Variants in RPS6KC1 observed in about 807,000 individuals in gnomAD.
RPS6KC1 encodes the protein ribosomal protein S6 kinase C1.
Under a neutral mutation model 103.8 loss-of-function variants are expected in RPS6KC1, and 54 were observed. That is an observed-to-expected ratio of 0.52 (90% CI 0.42 to 0.65). The LOEUF (loss-of-function observed/expected upper bound fraction) is 0.65, where lower values mean the gene tolerates loss of function less well. Among genes scored for constraint, RPS6KC1 ranks in the 30% least tolerant of loss-of-function variants. The pLI, the probability that RPS6KC1 is intolerant of heterozygous loss-of-function variation, is 0.00. For missense variants in RPS6KC1, 1,151 were observed against 1,253.8 expected (o/e 0.92, Z 1.24); for synonymous variants, 439 against 438.7 (o/e 1.00, Z -0.01).
At chr1:213,669,360 G>A in the RPS6KC1 span, among the ~76,000 whole-genome samples, 1 of 152,158 alleles carries the variant, frequency 6.6e-6, no homozygotes, top group Non-Finnish European at 1.5e-5. Flanking sequence ...GAGAGAGAAA[G>A]GGGGGTGGCC....
chr1:213,554,889 A>T, the RPS6KC1 span, among the ~76,000 whole-genome samples: 29 of 152,134 alleles, frequency 1.9e-4, no homozygotes, highest in Non-Finnish European at 3.4e-4. Context: ...CATTTTAATA[A>T]ATTTTTTCCC....
chr1:213,797,830 A>G, the RPS6KC1 span, among the ~76,000 whole-genome samples: 6 of 152,280 alleles, frequency 3.9e-5, no homozygotes, highest in Admixed American at 3.9e-4. Flanking sequence ...GAGTCATTTG[A>G]CCCAAGTGCT....
chr1:213,810,593 T>C, the RPS6KC1 span, among the ~76,000 whole-genome samples: 1 of 152,286 alleles, frequency 6.6e-6, no homozygotes, highest in Admixed American at 6.5e-5. Context: ...CCCAAATAAC[T>C]AGGGGACTAA....
the RPS6KC1 span, among the ~76,000 whole-genome samples, chr1:213,420,736 G>A: frequency 6.6e-6 from 1 of 152,132 alleles, no homozygotes; most frequent in African/African-American, 2.4e-5. Context: ...TAGCTTGTTT[G>A]GGATGCCGAG....
the RPS6KC1 span, among the ~76,000 whole-genome samples, chr1:213,314,312 G>A: frequency 1.3e-5 from 2 of 152,220 alleles, no homozygotes; most frequent in Non-Finnish European, 2.9e-5. Flanking sequence ...CACATTCACA[G>A]GTACCAGAGG....
chr1:213,474,820 T>A, the RPS6KC1 span, among the ~76,000 whole-genome samples: 9 of 150,706 alleles, frequency 6.0e-5, no homozygotes, highest in African/African-American at 2.2e-4. Flanking sequence ...AAATTCAAAT[T>A]AAAAAAAAAG....
the RPS6KC1 span, among the ~76,000 whole-genome samples, chr1:213,462,454 C>T: frequency 6.6e-6 from 1 of 152,108 alleles, no homozygotes; most frequent in Admixed American, 6.5e-5. Context: ...CACATGCACA[C>T]GTATGTTTAT....
the RPS6KC1 span, among the ~76,000 whole-genome samples, chr1:213,688,135 C>T: frequency 6.6e-6 from 1 of 152,094 alleles, no homozygotes; most frequent in Non-Finnish European, 1.5e-5. Context: ...AAATGTTTTG[C>T]CATTCCCCAC....
chr1:213,722,318 G>A, the RPS6KC1 span, among the ~76,000 whole-genome samples: 1 of 152,066 alleles, frequency 6.6e-6, no homozygotes, highest in Non-Finnish European at 1.5e-5. Flanking sequence ...ACTTTCCTCT[G>A]GACATTGATT....
the RPS6KC1 span, among the ~76,000 whole-genome samples, chr1:213,792,300 G>A: frequency 6.6e-6 from 1 of 152,180 alleles, no homozygotes; most frequent in East Asian, 1.9e-4. Flanking sequence ...AAAGTCATGT[G>A]AACATAGCAC....
intron 8 of RPS6KC1, among the ~76,000 whole-genome samples, chr1:213,181,698 A>G (rs1362931832): frequency 1.3e-5 from 2 of 152,232 alleles, no homozygotes; most frequent in African/African-American, 2.4e-5. Context: ...TTTAAGTGCT[A>G]AAAGGAAAGA....
chr1:213,617,575 A>G, the RPS6KC1 span, among the ~76,000 whole-genome samples: 1 of 152,246 alleles, frequency 6.6e-6, no homozygotes, highest in Non-Finnish European at 1.5e-5. Context: ...TTATGAAAGC[A>G]TAAATGCTTT....
Position 213,167,915 on chromosome 1 carries a change from T to C in RPS6KC1, c.893T>C (p.Met298Thr). 1 of 1,613,926 alleles carries C rather than the reference T, an allele frequency of 6.2e-7. No individual in the cohort carries two copies. Among genetic ancestry groups the C allele is most frequent in the Non-Finnish European group, 8.5e-7 (1 of 1,179,912 alleles). ...AAGAGAAGAACAGCCGAGTACCTCATGCGGGCAGAAAGTATCTCTAGTCTT... is the reference window on the plus strand; with the variant it reads ...AAGAGAAGAACAGCCGAGTACCTCACGCGGGCAGAAAGTATCTCTAGTCTT... ...AVKRRTAEYL[M>T]RAESISSLYG... Residue 298 changes from methionine (M) to threonine (T), a missense_variant, in exon 7 of 15, where the codon ATG (methionine) becomes ACG (threonine). This residue lies in a region of RPS6KC1 where 959 missense variants were observed against 1,006.3 expected (regional missense o/e 0.95). Transcript: ENST00000366960.
chr1:213,613,286 C>A, the RPS6KC1 span, among the ~76,000 whole-genome samples: 3 of 152,206 alleles, frequency 2.0e-5, no homozygotes, highest in Admixed American at 6.5e-5. Context: ...TCTCCACCAC[C>A]AGATCACTCC....
At chr1:213,618,629 G>A in the RPS6KC1 span, among the ~76,000 whole-genome samples, 9 of 152,112 alleles carry the variant, frequency 5.9e-5, no homozygotes, top group South Asian at 4.2e-4. Flanking sequence ...TGGCCTTTCC[G>A]CAACCTTCTG....
chr1:213,256,677 T>C (rs538436322), intron 12 of RPS6KC1, among the ~76,000 whole-genome samples: 1 of 152,330 alleles, frequency 6.6e-6, no homozygotes, highest in Non-Finnish European at 1.5e-5. Context: ...CTGTCTGTGT[T>C]GCCTCCCATT....
chr1:213,677,360 C>T, the RPS6KC1 span, among the ~76,000 whole-genome samples: 21 of 152,188 alleles, frequency 1.4e-4, no homozygotes, highest in Non-Finnish European at 1.3e-4. Context: ...GAGTTCAGCT[C>T]GGGAGATCCA....
At chr1:213,261,110 C>T (rs2094784073) in intron 12 of RPS6KC1, among the ~76,000 whole-genome samples, 1 of 151,272 alleles carries the variant, frequency 6.6e-6, no homozygotes, top group Non-Finnish European at 1.5e-5. Flanking sequence ...CATTTCGTCT[C>T]TCTGGTTTCT....
intron 8 of RPS6KC1, among the ~76,000 whole-genome samples, chr1:213,198,565 C>T (rs935947591): frequency 6.6e-5 from 10 of 152,138 alleles, no homozygotes; most frequent in African/African-American, 2.4e-4. Flanking sequence ...TTTTAGATTT[C>T]TCTTCTTCCT....
Sources: allele counts gnomAD v4.1 joint callset (sites outside exome capture counted in the v4.1 genomes callset), GRCh38; gene constraint gnomAD v4.1.1; regional missense constraint gnomAD v4.1.1; transcripts MANE v1.5; gene names NCBI Gene and HGNC (gene_info 2026-07-23, HGNC 2026-07-21).